CYB5A: variants seen among roughly 807,000 people sequenced by gnomAD.
CYB5A encodes the protein cytochrome b5 type A.
Under a neutral mutation model 16.2 loss-of-function variants are expected in CYB5A, and 10 were observed. The ratio of observed to expected loss-of-function variants is 0.62; its 90% CI spans 0.38 to 1.04. The LOEUF is 1.04. Ranked by LOEUF, CYB5A falls within the 50% of genes least tolerant of loss-of-function variation. CYB5A has a pLI of 0.01. For missense variants in CYB5A, 161 were observed against 165.9 expected (o/e 0.97, Z 0.16); for synonymous variants, 62 against 57.0 (o/e 1.09, Z -0.40).
chr18:74,253,588 T>C lies in CYB5A; in HGVS notation c.401A>G (p.Asp134Gly). Residue 134 changes from aspartate (D) to glycine (G), a missense_variant, in exon 5 of 5, where the codon GAC (aspartate) becomes GGC (glycine). By Grantham distance (94) the Asp-to-Gly change is moderately conservative. Transcript: ENST00000340533. ...CGCTGACTTCTGAGGAGGTGTTCAG[T>C]CCTCTGCCATGTATAGGCGATACAT... ...ALMYRLYMAE[D>G] 6.2e-7 allele frequency: 1 copy of C among 1,611,220 alleles called. No individual in the cohort carries two copies. The highest frequency in any genetic ancestry group is 8.5e-7 in the Non-Finnish European group (1 of 1,177,680).
chr18:74,281,759 G>C (rs1454114132), intron 1 of CYB5A, among the ~76,000 whole-genome samples: 1 of 150,870 alleles, frequency 6.6e-6, no homozygotes, highest in Non-Finnish European at 1.5e-5. Flanking sequence ...GTGTGTGTGT[G>C]TGTGTGTGTA....
chr18:74,268,914 G>T (rs1450559502), intron 1 of CYB5A, among the ~76,000 whole-genome samples: 1 of 152,176 alleles, frequency 6.6e-6, no homozygotes, highest in South Asian at 2.1e-4. Flanking sequence ...CACTTTGTAA[G>T]TTACCCAAAT....
chr18:74,284,233 C>CAA (rs1308439463), intron 1 of CYB5A, among the ~76,000 whole-genome samples: 14 of 72,872 alleles, frequency 1.9e-4, no homozygotes, highest in East Asian at 7.9e-4. Context: ...ACTCCATCTC[C>CAA]AAAAAAAAAA....
chr18:74,262,614 C>T (rs564061670), intron 2 of CYB5A, among the ~76,000 whole-genome samples: 1 of 152,288 alleles, frequency 6.6e-6, no homozygotes, highest in Non-Finnish European at 1.5e-5. Flanking sequence ...TTATTCATTT[C>T]ACATAGCTCC....
At chr18:74,264,539 G>A (rs572210774) in intron 1 of CYB5A, among the ~76,000 whole-genome samples, 22 of 152,308 alleles carry the variant, frequency 1.4e-4, no homozygotes, top group South Asian at 8.3e-4. Context: ...GGCAATGCAC[G>A]GGCAGCACAG....
At chr18:74,268,477 G>C (rs2145056742) in intron 1 of CYB5A, among the ~76,000 whole-genome samples, 1 of 148,790 alleles carries the variant, frequency 6.7e-6, no homozygotes, top group South Asian at 2.2e-4. Flanking sequence ...TCTTTGTCCT[G>C]TGAGCAATGA....
rs747390787 is a variant in CYB5A, at chr18:74,260,769, C to T, written c.288+146G>A. On this transcript the variant is annotated intron_variant, in intron 3 of 4. Transcript: ENST00000340533. ...GACAGGTTTCCGTAAATAAAAAATA[C>T]TTGCTGAGCCAGTAGGTTACATATT... is the stretch of plus-strand genomic sequence containing the variant. 4 of 747,342 alleles carry T rather than the reference C, an allele frequency of 5.4e-6. 1 individual carries two copies. The highest frequency in any genetic ancestry group is 7.2e-6 in the Non-Finnish European group (3 of 417,822). 46.3% of individuals were successfully genotyped at this position (747,342 alleles called of 1,614,324 possible). A position where few individuals can be genotyped will look rare whatever the true frequency, so the allele number is the denominator to read the frequency against.
chr18:74,275,472 A>ATGCAGT (rs1228810810), intron 1 of CYB5A, among the ~76,000 whole-genome samples: 4 of 152,128 alleles, frequency 2.6e-5, no homozygotes, highest in African/African-American at 2.4e-5. Context: ...AGGGAGCGGG[A>ATGCAGT]TGCAGTTATC....
chr18:74,253,810 T>G, intron 4 of CYB5A, 145 bp from the exon 5 acceptor site: 2 of 661,658 alleles, frequency 3.0e-6, no homozygotes, highest in East Asian at 5.9e-5. Flanking sequence ...GTGGATTTGC[T>G]AAAAGTGACA....
At chr18:74,270,893 T>C (rs1001665354) in intron 1 of CYB5A, among the ~76,000 whole-genome samples, 10 of 152,220 alleles carry the variant, frequency 6.6e-5, no homozygotes, top group African/African-American at 1.7e-4. Context: ...ATCTGTCTCG[T>C]TCATCACTGT....
intron 1 of CYB5A, among the ~76,000 whole-genome samples, chr18:74,266,006 A>G (rs974727075): frequency 2.6e-5 from 4 of 152,208 alleles, no homozygotes; most frequent in Admixed American, 2.0e-4. Flanking sequence ...GGACTTTGAC[A>G]TGGCTACATG....
chr18:74,279,258 T>C (rs1982997080), intron 1 of CYB5A, among the ~76,000 whole-genome samples: 1 of 152,264 alleles, frequency 6.6e-6, no homozygotes, highest in South Asian at 2.1e-4. Context: ...CCGGGCGCGG[T>C]GGCTCACGCC....
chr18:74,267,534 T>C (rs1003096322), intron 1 of CYB5A, among the ~76,000 whole-genome samples: 8 of 152,182 alleles, frequency 5.3e-5, no homozygotes, highest in African/African-American at 1.9e-4. Context: ...GTTTATGCCA[T>C]CGTGGTTATG....
intron 1 of CYB5A, among the ~76,000 whole-genome samples, chr18:74,263,790 C>A (rs2145049069): frequency 1.3e-5 from 2 of 152,122 alleles, no homozygotes; most frequent in Middle Eastern, 6.8e-3. Flanking sequence ...CATGCCCCTG[C>A]AGTCCCAGAT....
At chr18:74,289,423 A>G (rs1983442989) in intron 1 of CYB5A, among the ~76,000 whole-genome samples, 1 of 152,154 alleles carries the variant, frequency 6.6e-6, no homozygotes, top group African/African-American at 2.4e-5. Context: ...CAAGTTGGAG[A>G]GATTATGTGC....
At chr18:74,280,577 C>CA (rs1298855875) in intron 1 of CYB5A, among the ~76,000 whole-genome samples, 19,398 of 95,454 alleles carry the variant, frequency 0.2, 1,445 homozygotes, top group East Asian at 0.3. Context: ...GACCCTGTCT[C>CA]AAAAAAAAAA....
At chr18:74,275,936 G>C (rs969065320) in intron 1 of CYB5A, among the ~76,000 whole-genome samples, 1 of 152,158 alleles carries the variant, frequency 6.6e-6, no homozygotes, top group South Asian at 2.1e-4. Context: ...GCGCAGACCA[G>C]ATACCCCAAC....
chr18:74,252,132 G>T lies in CYB5A; in HGVS notation c.*1452C>A, dbSNP rs1981793093. On this transcript the variant is annotated 3_prime_UTR_variant, in exon 5 of 5. Transcript: ENST00000340533. ...AGTGACTAAAGAAGGCAAAGGCGGT[G>T]CATCCTATTTGATTATAAAGGTTGT... 6.6e-6 allele frequency: 1 copy of T among 152,224 alleles called. No individual in the cohort carries two copies. The highest frequency in any genetic ancestry group is 1.5e-5 in the Non-Finnish European group (1 of 68,044). 9.4% of individuals were successfully genotyped at this position (152,224 alleles called of 1,614,324 possible).
chr18:74,257,544 T>C (rs1285717543), intron 3 of CYB5A: 1 of 152,296 alleles, frequency 6.6e-6, no homozygotes, highest in African/African-American at 2.4e-5. Context: ...AAGAATATGG[T>C]TTTTATGATT....
Sources: allele counts gnomAD v4.1 joint callset (sites outside exome capture counted in the v4.1 genomes callset), GRCh38; gene constraint gnomAD v4.1.1; transcripts MANE v1.5; gene names NCBI Gene and HGNC (gene_info 2026-07-23, HGNC 2026-07-21).